The following RTN1 variants were observed in gnomAD, a reference collection of about 807,000 sequenced individuals.
RTN1 encodes reticulon 1.
RTN1 carries 25 observed loss-of-function variants against 65.5 expected under a neutral mutation model. The ratio of observed to expected loss-of-function variants is 0.38; its 90% CI spans 0.28 to 0.53. The LOEUF (loss-of-function observed/expected upper bound fraction) is 0.53. Among genes scored for constraint, RTN1 ranks in the 20% least tolerant of loss-of-function variants. The probability of loss-of-function intolerance (pLI) is 0.79; values close to 1 mark genes in which losing one functional copy is unlikely to be tolerated. For synonymous variants in RTN1, 471 were observed against 447.6 expected, an observed-to-expected ratio of 1.05 and a Z score of -0.66; for missense variants, 983 against 1,025.4, an observed-to-expected ratio of 0.96 and a Z score of 0.57.
At position 59,816,792 on chromosome 14, in the gene RTN1, G is replaced by A. The variant is rs944701310; in HGVS notation, c.241+53598C>T. On this transcript the variant is annotated intron_variant, in intron 1 of 8. Transcript: ENST00000267484. This position sits in a 1 kb window ranked among gnomAD's most constrained non-coding sequence, Gnocchi z 4.3. ...CTACAAAAAATACAATATTAGCTGG[G>A]TGTGGTGGCATGTGCCTGTGGTCCC... Among the ~76,000 whole-genome samples the A allele has an allele frequency of 6.6e-6, 1 of 152,116 alleles. No individual in the cohort carries two copies. Among genetic ancestry groups the A allele is most frequent in the Non-Finnish European group, 1.5e-5 (1 of 68,034 alleles).
At chr14:59,734,745 C>A (rs188407650) in intron 2 of RTN1, among the ~76,000 whole-genome samples, 1 of 152,176 alleles carries the variant, frequency 6.6e-6, no homozygotes, top group African/African-American at 2.4e-5. Flanking sequence ...TGTAAAGAGA[C>A]TGAATCTACA....
At chr14:59,824,743 A>T (rs1253269) in intron 1 of RTN1, among the ~76,000 whole-genome samples, 89,123 of 152,142 alleles carry the variant, frequency 0.59, 27,194 homozygotes, top group Non-Finnish European at 0.67. Context: ...CAACTAGTTT[A>T]AAAAGCTACT....
chr14:59,855,520 T>C (rs1158763685), intron 1 of RTN1, among the ~76,000 whole-genome samples: 1 of 152,240 alleles, frequency 6.6e-6, no homozygotes, highest in Non-Finnish European at 1.5e-5. Context: ...GTTTGTTGAA[T>C]AATTTTTGTG....
chr14:59,606,321 T>C (rs1414437451), intron 4 of RTN1, among the ~76,000 whole-genome samples: 2 of 151,936 alleles, frequency 1.3e-5, no homozygotes, highest in South Asian at 4.2e-4. Flanking sequence ...TGGCTTGAGT[T>C]TTCAGGAGTG....
intron 3 of RTN1, among the ~76,000 whole-genome samples, chr14:59,685,597 T>A (rs1020138435): frequency 1.3e-5 from 2 of 152,160 alleles, no homozygotes; most frequent in Non-Finnish European, 2.9e-5. Flanking sequence ...AGGAATAAAT[T>A]TAACCAAGGA....
rs1156560843 is a variant in RTN1, at chr14:59,745,906, T to G, written c.817A>C (p.Arg273=). 6.2e-7 allele frequency: 1 copy of G among 1,614,004 alleles called. No individual in the cohort carries two copies. The highest frequency in any genetic ancestry group is 8.5e-7 in the Non-Finnish European group (1 of 1,180,014). ...YIDDLSEEQR[R]APQITTPVKI... ...ACAGGGGTGGTGATCTGAGGAGCCC[T>G]GCGCTGTTCTTCAGAGAGATCATCT... Residue 273 remains arginine, a synonymous_variant, in exon 2 of 9, where the codon AGG becomes CGG. Coordinates refer to ENST00000267484, the MANE Select transcript of RTN1 (RefSeq NM_021136.3).
intron 1 of RTN1, among the ~76,000 whole-genome samples, chr14:59,767,111 C>T (rs1885864440): frequency 6.6e-6 from 1 of 152,172 alleles, no homozygotes; most frequent in South Asian, 2.1e-4. Context: ...GCCTTTCTTC[C>T]CTTTAGTAAG....
In RTN1 at chr14:59,829,169, A is replaced by T. The variant is rs972603294; in HGVS notation, c.241+41221T>A. ...ACACCGTTCATTAATTAACATTTTA[A>T]AGTGCCTTCTACAACAATGTTTTGG... On this transcript the variant is annotated intron_variant, in intron 1 of 8. Coordinates refer to ENST00000267484, the MANE Select transcript of RTN1 (RefSeq NM_021136.3). This position sits in a 1 kb window ranked among gnomAD's most constrained non-coding sequence, Gnocchi z 4.3. Among the ~76,000 whole-genome samples, 8 of 152,204 alleles carry T rather than the reference A, an allele frequency of 5.3e-5. No homozygotes were observed. Among genetic ancestry groups the T allele is most frequent in the African/African-American group, 1.9e-4 (8 of 41,434 alleles).
chr14:59,668,299 G>A (rs940332013), intron 3 of RTN1, among the ~76,000 whole-genome samples: 4 of 151,952 alleles, frequency 2.6e-5, no homozygotes, highest in Non-Finnish European at 4.4e-5. Flanking sequence ...AAATAACACC[G>A]CACATCTACA....
intron 2 of RTN1, among the ~76,000 whole-genome samples, chr14:59,732,195 TGGAGTA>T (rs1884912390): frequency 1.3e-5 from 2 of 152,144 alleles, no homozygotes; most frequent in African/African-American, 4.8e-5. Flanking sequence ...AACGTTTAAC[TGGAGTA>T]TTATTGGGAA....
chr14:59,770,197 G>A (rs1364295570), intron 1 of RTN1, among the ~76,000 whole-genome samples: 1 of 151,558 alleles, frequency 6.6e-6, no homozygotes, highest in Non-Finnish European at 1.5e-5. Flanking sequence ...GGTCAACATG[G>A]CGAAACCCCG....
chr14:59,829,576 G>A lies in RTN1; in HGVS notation c.241+40814C>T, dbSNP rs72716177. Reference sequence around the variant, plus strand: ...ACATTAAAAATATAAATAGATGGCAGACAGCTAGACATAGGTGGAGGGCAG... The same window carrying A: ...ACATTAAAAATATAAATAGATGGCAAACAGCTAGACATAGGTGGAGGGCAG... On this transcript the variant is annotated intron_variant, in intron 1 of 8. Coordinates refer to ENST00000267484, the MANE Select transcript of RTN1 (RefSeq NM_021136.3). The surrounding 1 kb of genome is among the most constrained non-coding windows in gnomAD (Gnocchi z 4.3). 0.019 allele frequency among the ~76,000 whole-genome samples: 2,818 copies of A among 152,296 alleles called. 42 individuals are homozygous for A. The highest frequency in any genetic ancestry group is 0.032 in the Non-Finnish European group (2,195 of 68,036).
chr14:59,618,030 G>A (rs865951387), intron 3 of RTN1, among the ~76,000 whole-genome samples: 2 of 152,048 alleles, frequency 1.3e-5, no homozygotes, highest in Admixed American at 6.5e-5. Flanking sequence ...CCGAGACAGC[G>A]AAAGAGATCT....
chr14:59,780,478 C>T (rs752980806), intron 1 of RTN1, among the ~76,000 whole-genome samples: 12 of 152,108 alleles, frequency 7.9e-5, no homozygotes, highest in Non-Finnish European at 1.6e-4. Context: ...GAAAGCATTA[C>T]CTAATGGTGC....
chr14:59,814,768 A>C (rs1434664460), intron 1 of RTN1, among the ~76,000 whole-genome samples: 1 of 152,210 alleles, frequency 6.6e-6, no homozygotes, highest in African/African-American at 2.4e-5. Context: ...CAACCCAAAC[A>C]AGGAAATGTA....
At chr14:59,772,368 C>G (rs1328927096) in intron 1 of RTN1, among the ~76,000 whole-genome samples, 1 of 151,802 alleles carries the variant, frequency 6.6e-6, no homozygotes, top group Non-Finnish European at 1.5e-5. Flanking sequence ...TATTCCAATT[C>G]CATTGTTCAA....
At chr14:59,818,175 T>A (rs1886856412) in intron 1 of RTN1, among the ~76,000 whole-genome samples, 1 of 152,204 alleles carries the variant, frequency 6.6e-6, no homozygotes, top group Non-Finnish European at 1.5e-5. Flanking sequence ...TCCAGCTGCA[T>A]CCATGTTGCT....
At chr14:59,869,256 C>T (rs1387796235) in intron 1 of RTN1, among the ~76,000 whole-genome samples, 9 of 152,036 alleles carry the variant, frequency 5.9e-5, no homozygotes, top group African/African-American at 2.2e-4. Context: ...TTTAAATCAA[C>T]CACCAAGAGC....
At chr14:59,672,566 T>C (rs931214737) in intron 3 of RTN1, among the ~76,000 whole-genome samples, 2 of 152,100 alleles carry the variant, frequency 1.3e-5, no homozygotes, top group Non-Finnish European at 2.9e-5. Context: ...GATGGTTATT[T>C]ATTGCATTCA....
Sources: gnomAD v4.1 joint callset for allele counts (sites outside exome capture counted in the v4.1 genomes callset) on GRCh38, gnomAD v4.1.1 for gene constraint, Gnocchi (gnomAD v3.1) non-coding constraint, MANE v1.5 for transcripts, NCBI Gene and HGNC (gene_info 2026-07-23, HGNC 2026-07-21) for gene names.